The following THSD7A variants were observed in gnomAD, a reference collection of about 807,000 sequenced individuals.
THSD7A encodes thrombospondin type 1 domain containing 7A.
A neutral mutation model predicts 231.3 loss-of-function variants in THSD7A; 96 were observed. That is an observed-to-expected ratio of 0.41 (90% CI 0.35 to 0.49). The LOEUF is 0.49. Among genes scored for constraint, THSD7A ranks in the 20% least tolerant of loss-of-function variants. The pLI, the probability that THSD7A is intolerant of heterozygous loss-of-function variation, is 0.05. For missense variants in THSD7A, 2,290 were observed against 2,070.2 expected, an observed-to-expected ratio of 1.11 and a Z score of -2.06; for synonymous variants, 940 against 743.3, an observed-to-expected ratio of 1.26 and a Z score of -4.30.
chr7:11,433,779 G>A (rs773823972), intron 13 of THSD7A, among the ~76,000 whole-genome samples: 2 of 151,862 alleles, frequency 1.3e-5, no homozygotes, highest in African/African-American at 4.8e-5. Flanking sequence ...AAATATTATG[G>A]TTTTAGTAAG....
At chr7:11,393,063 TG>T (rs1783046731) in intron 23 of THSD7A, among the ~76,000 whole-genome samples, 2 of 152,346 alleles carry the variant, frequency 1.3e-5, no homozygotes, top group East Asian at 3.9e-4. Flanking sequence ...TCTCCCGAAG[TG>T]GGTCCCTGAC....
chr7:11,487,531 T>C (rs1222284023), intron 6 of THSD7A, among the ~76,000 whole-genome samples: 4 of 152,110 alleles, frequency 2.6e-5, no homozygotes, highest in Non-Finnish European at 4.4e-5. Context: ...TATACACATA[T>C]TTGTATTAGT....
chr7:11,517,146 T>C (rs1788063689), intron 6 of THSD7A, among the ~76,000 whole-genome samples: 1 of 152,154 alleles, frequency 6.6e-6, no homozygotes, highest in Admixed American at 6.5e-5. Context: ...TGGCACAATC[T>C]TGGCTCACTG....
At chr7:11,649,965 C>T (rs772698409) in intron 1 of THSD7A, among the ~76,000 whole-genome samples, 6 of 151,992 alleles carry the variant, frequency 3.9e-5, no homozygotes, top group Admixed American at 1.3e-4. Context: ...TTTTGACAAA[C>T]GGCAGAAGTG....
intron 6 of THSD7A, among the ~76,000 whole-genome samples, chr7:11,490,355 G>A (rs1239711181): frequency 2.6e-5 from 4 of 152,050 alleles, no homozygotes; most frequent in African/African-American, 4.8e-5. Context: ...CATGATATAA[G>A]TTGCCCACTT....
Position 11,553,840 on chromosome 7 carries a change from C to A in THSD7A, c.1454-10723G>T, listed in dbSNP as rs527609400. Reference sequence around the variant, plus strand: ...TTGTGTTTTGAATGTTTAAGCTCTACAAATGGAAAAAAATAAAAATAATCT... The same window carrying A: ...TTGTGTTTTGAATGTTTAAGCTCTAAAAATGGAAAAAAATAAAAATAATCT... On this transcript the variant is annotated intron_variant, in intron 4 of 27. Coordinates refer to ENST00000423059, the MANE Select transcript of THSD7A (RefSeq NM_015204.3). Among the ~76,000 whole-genome samples the A allele has an allele frequency of 7.9e-5, 12 of 151,816 alleles. No homozygotes were observed. The East Asian group carries it at 9.7e-4, about 12-fold the overall frequency.
At chr7:11,454,985 T>G (rs1785259441) in intron 11 of THSD7A, among the ~76,000 whole-genome samples, 1 of 152,008 alleles carries the variant, frequency 6.6e-6, no homozygotes, top group African/African-American at 2.4e-5. Flanking sequence ...GATCCACATG[T>G]TGAAATCACC....
intron 14 of THSD7A, among the ~76,000 whole-genome samples, chr7:11,426,877 C>T (rs1234361625): frequency 6.6e-6 from 1 of 152,014 alleles, no homozygotes; most frequent in Non-Finnish European, 1.5e-5. Context: ...AAGTAAGATA[C>T]ACAAATGGGT....
At chr7:11,815,498 A>T (rs189188170) in intron 1 of THSD7A, among the ~76,000 whole-genome samples, 5 of 152,234 alleles carry the variant, frequency 3.3e-5, no homozygotes. Context: ...ACTTATTTTA[A>T]TATTACTTTA....
At chr7:11,387,392 C>T (rs1328233494) in intron 23 of THSD7A, among the ~76,000 whole-genome samples, 1 of 152,114 alleles carries the variant, frequency 6.6e-6, no homozygotes, top group Non-Finnish European at 1.5e-5. Context: ...TTTCCTTGAG[C>T]AGTGGTTTGT....
chr7:11,543,618 T>C (rs1000965821), intron 4 of THSD7A, among the ~76,000 whole-genome samples: 1 of 152,184 alleles, frequency 6.6e-6, no homozygotes, highest in Non-Finnish European at 1.5e-5. Context: ...TGAAGAAGGA[T>C]CTCAAATGGG....
At chr7:11,803,692 C>T (rs758163277) in intron 1 of THSD7A, among the ~76,000 whole-genome samples, 21 of 152,196 alleles carry the variant, frequency 1.4e-4, no homozygotes, top group South Asian at 2.1e-4. Context: ...ATGGTAACAG[C>T]GGAATCTTTA....
chr7:11,393,476 C>T (rs1049449209), intron 23 of THSD7A, among the ~76,000 whole-genome samples: 5 of 152,292 alleles, frequency 3.3e-5, no homozygotes, highest in East Asian at 3.9e-4. Flanking sequence ...CACAACTCTT[C>T]GCCAGCAGGG....
chr7:11,761,943 T>A (rs1019347824), intron 1 of THSD7A, among the ~76,000 whole-genome samples: 1 of 152,184 alleles, frequency 6.6e-6, no homozygotes. Context: ...TGTCTATTAT[T>A]TCCATCTTTA....
chr7:11,419,644 A>T (rs1377513561), intron 16 of THSD7A, among the ~76,000 whole-genome samples: 2 of 152,222 alleles, frequency 1.3e-5, no homozygotes, highest in African/African-American at 4.8e-5. Context: ...AAGTGGAAGC[A>T]GCTAAGGAAC....
At position 11,381,560 on chromosome 7, in the gene THSD7A, C is replaced by G. The variant is rs541870807; in HGVS notation, c.4507+961G>C. On this transcript the variant is annotated intron_variant, in intron 24 of 27. Coordinates refer to ENST00000423059, the MANE Select transcript of THSD7A (RefSeq NM_015204.3). The stretch of plus-strand genomic sequence containing the variant: ...CATCACTCAGAGGCATCCAAATGCA[C>G]ACTGTTTTTTCCCCCGCAGCAGGGT... 2.0e-5 allele frequency among the ~76,000 whole-genome samples: 3 copies of G among 152,286 alleles called. No homozygotes were observed. The South Asian group carries it at 6.2e-4, about 32-fold the overall frequency.
intron 1 of THSD7A, among the ~76,000 whole-genome samples, chr7:11,730,389 C>T (rs1267870687): frequency 6.6e-6 from 1 of 151,470 alleles, no homozygotes; most frequent in Non-Finnish European, 1.5e-5. Flanking sequence ...CTGAACTTCA[C>T]AATCTTCCTT....
At chr7:11,382,648 A>T in intron 23 of THSD7A, 32 bp from the exon 24 acceptor site, 1 of 1,513,876 alleles carries the variant, frequency 6.6e-7, no homozygotes, top group Non-Finnish European at 9.2e-7. Flanking sequence ...TAGCAGAAGC[A>T]TTCTGTTACC....
Position 11,501,789 on chromosome 7 carries a change from G to A in THSD7A, c.1823-19807C>T, listed in dbSNP as rs1183282779. The stretch of plus-strand genomic sequence containing the variant: ...TGAGAAATAACAAAAAATCAGAGCT[G>A]AACTGGAGGAAATTAAGACACAAAA... On this transcript the variant is annotated intron_variant, in intron 6 of 27. Coordinates refer to ENST00000423059, the MANE Select transcript of THSD7A (RefSeq NM_015204.3). 9.2e-5 allele frequency among the ~76,000 whole-genome samples: 14 copies of A among 152,074 alleles called. 1 individual carries two copies. The East Asian group carries it at 2.7e-3, about 29-fold the overall frequency.
Sources: allele counts gnomAD v4.1 joint callset (sites outside exome capture counted in the v4.1 genomes callset), GRCh38; gene constraint gnomAD v4.1.1; transcripts MANE v1.5; gene names NCBI Gene and HGNC (gene_info 2026-07-23, HGNC 2026-07-21).